ZCCHC7: variants seen among roughly 807,000 people sequenced by gnomAD.
The protein encoded by ZCCHC7 is zinc finger CCHC-type containing 7, also known as zinc finger CCHC domain-containing protein 7.
A neutral mutation model predicts 52.0 loss-of-function variants in ZCCHC7; 35 were observed. The ratio of observed to expected loss-of-function variants is 0.67; its 90% CI spans 0.51 to 0.89. The LOEUF (loss-of-function observed/expected upper bound fraction) is 0.89, where lower values mean the gene tolerates loss of function less well. Ranked by LOEUF, ZCCHC7 falls within the 40% of genes least tolerant of loss-of-function variation. ZCCHC7 has a pLI of 0.00. For synonymous variants in ZCCHC7, 217 were observed against 221.5 expected, an observed-to-expected ratio of 0.98 and a Z score of 0.18; for missense variants, 574 against 649.1, an observed-to-expected ratio of 0.88 and a Z score of 1.26.
chr9:37,294,523 G>GT (rs1828690378), intron 2 of ZCCHC7, among the ~76,000 whole-genome samples: 1 of 152,068 alleles, frequency 6.6e-6, no homozygotes, highest in African/African-American at 2.4e-5. Flanking sequence ...TGGCAGGGTT[G>GT]TTTTTTGAAG....
chr9:37,312,986 G>A (rs1298262469), intron 5 of ZCCHC7, among the ~76,000 whole-genome samples: 3 of 152,098 alleles, frequency 2.0e-5, no homozygotes, highest in African/African-American at 7.2e-5. Context: ...AAGGAATGAA[G>A]GGGAAAAGAA....
intron 5 of ZCCHC7, among the ~76,000 whole-genome samples, chr9:37,321,779 A>AAAAAT (rs774497568): frequency 4.2e-4 from 64 of 152,132 alleles, no homozygotes; most frequent in Non-Finnish European, 8.4e-4. Flanking sequence ...ATAAATAAAT[A>AAAAAT]AAAATAAAAT....
chr9:37,341,877 A>G (rs893783262), intron 6 of ZCCHC7, among the ~76,000 whole-genome samples: 6 of 152,184 alleles, frequency 3.9e-5, no homozygotes, highest in African/African-American at 1.4e-4. Flanking sequence ...AAAGGCCAGC[A>G]TGACAGGCTT....
intron 2 of ZCCHC7, among the ~76,000 whole-genome samples, chr9:37,294,701 G>A (rs931056151): frequency 2.6e-5 from 4 of 152,068 alleles, no homozygotes; most frequent in Non-Finnish European, 5.9e-5. Context: ...TTGTCCATAT[G>A]AATGTTTCCT....
intron 2 of ZCCHC7, among the ~76,000 whole-genome samples, chr9:37,233,879 A>G (rs1825519207): frequency 6.6e-6 from 1 of 152,158 alleles, no homozygotes; most frequent in Non-Finnish European, 1.5e-5. Context: ...TTTGAGACGG[A>G]GTCTTACTGT....
intron 2 of ZCCHC7, among the ~76,000 whole-genome samples, chr9:37,279,164 A>T (rs1977756): frequency 0.59 from 89,513 of 151,846 alleles, 26,808 homozygotes; most frequent in African/African-American, 0.71. Flanking sequence ...AACTTGTCTT[A>T]TTTTATCCTC....
chr9:37,354,955 G>A lies in ZCCHC7; in HGVS notation c.1198+131G>A. On this transcript the variant is annotated intron_variant, in intron 8 of 8. Coordinates refer to ENST00000336755, the MANE Select transcript of ZCCHC7 (RefSeq NM_032226.3). The surrounding 1 kb of genome is among the most constrained non-coding windows in gnomAD (Gnocchi z 4.0). ...ATTTTTAGTAATTACCAAAGAGACT[G>A]GAACTTTCTTGATCTCCAGAAACCA... 1.7e-6 allele frequency: 1 copy of A among 571,846 alleles called. No individual in the cohort carries two copies. Among genetic ancestry groups the A allele is most frequent in the Non-Finnish European group, 3.0e-6 (1 of 331,924 alleles). The allele number at this position is 571,846 out of a possible 1,614,324, so 35.4% of individuals were successfully genotyped here. A position where few individuals can be genotyped will look rare whatever the true frequency, so the allele number is the denominator to read the frequency against.
chr9:37,158,184 T>C (rs1820915271), intron 2 of ZCCHC7, among the ~76,000 whole-genome samples: 1 of 152,230 alleles, frequency 6.6e-6, no homozygotes, highest in Admixed American at 6.5e-5. Flanking sequence ...TAGAGATTTG[T>C]TAAGAGAGCA....
intron 5 of ZCCHC7, among the ~76,000 whole-genome samples, chr9:37,308,207 AT>A (rs1368257118): frequency 2.0e-5 from 3 of 152,152 alleles, no homozygotes; most frequent in African/African-American, 2.4e-5. Context: ...CTTTAGTCTT[AT>A]TTTTTAGTGT....
intron 6 of ZCCHC7, among the ~76,000 whole-genome samples, chr9:37,328,386 A>G (rs991472196): frequency 6.6e-6 from 1 of 151,980 alleles, no homozygotes; most frequent in Non-Finnish European, 1.5e-5. Context: ...GTTTCCTTTT[A>G]TTGTGATTTT....
intron 2 of ZCCHC7, among the ~76,000 whole-genome samples, chr9:37,157,915 T>C (rs1296549883): frequency 6.6e-6 from 1 of 152,222 alleles, no homozygotes; most frequent in African/African-American, 2.4e-5. Context: ...AGAACTACTG[T>C]CTGATCCAGC....
chr9:37,253,790 A>G (rs1826444580), intron 2 of ZCCHC7, among the ~76,000 whole-genome samples: 1 of 152,140 alleles, frequency 6.6e-6, no homozygotes, highest in African/African-American at 2.4e-5. Context: ...ACAAGTATAG[A>G]TATGAATGTT....
At chr9:37,198,691 T>C (rs527888125) in intron 2 of ZCCHC7, among the ~76,000 whole-genome samples, 1 of 152,352 alleles carries the variant, frequency 6.6e-6, no homozygotes, top group Non-Finnish European at 1.5e-5. Context: ...GTCCTAATGA[T>C]AGAGCTTGCT....
rs540138543 is a variant in ZCCHC7, at chr9:37,164,506, CA to C, written c.610+37566del. ...ATAGATAGATAGATAGATAGACAGACAAGATAGATAGACTCTGTCTCAGAAG... is the reference window on the plus strand; with the variant it reads ...ATAGATAGATAGATAGATAGACAGACAGATAGATAGACTCTGTCTCAGAAG... On this transcript the variant is annotated intron_variant, in intron 2 of 8. Coordinates refer to ENST00000336755, the MANE Select transcript of ZCCHC7 (RefSeq NM_032226.3). Among the ~76,000 whole-genome samples, 24 of 143,666 alleles carry C rather than the reference CA, an allele frequency of 1.7e-4. 1 individual carries two copies. The highest frequency in any genetic ancestry group is 6.0e-4 in the African/African-American group (23 of 38,084). 94.3% of individuals were successfully genotyped at this position (143,666 alleles called of 152,430 possible). A position where few individuals can be genotyped will look rare whatever the true frequency, so the allele number is the denominator to read the frequency against.
chr9:37,148,366 A>G lies in ZCCHC7; in HGVS notation c.610+21424A>G, dbSNP rs375409061. Reference sequence around the variant, plus strand: ...AGTCATGGGGTGCAGGAGAGGAAAGATACTGCTTTCATGAGGGGTAGAGGT... The same window carrying G: ...AGTCATGGGGTGCAGGAGAGGAAAGGTACTGCTTTCATGAGGGGTAGAGGT... On this transcript the variant is annotated intron_variant, in intron 2 of 8. Transcript: ENST00000336755. 2.0e-4 allele frequency among the ~76,000 whole-genome samples: 30 copies of G among 152,188 alleles called. No individual in the cohort carries two copies. In the East Asian group the frequency reaches 5.4e-3, roughly 27 times the overall value.
At chr9:37,351,241 G>A (rs149078939) in intron 7 of ZCCHC7, among the ~76,000 whole-genome samples, 156 of 152,262 alleles carry the variant, frequency 1.0e-3, no homozygotes, top group African/African-American at 3.6e-3. Flanking sequence ...ACCATGTGAT[G>A]TAAACAACCC....
intron 2 of ZCCHC7, among the ~76,000 whole-genome samples, chr9:37,222,125 T>G (rs1824845044): frequency 6.6e-6 from 1 of 151,976 alleles, no homozygotes; most frequent in Non-Finnish European, 1.5e-5. Flanking sequence ...TTCCACAAAA[T>G]AATCGATAAC....
At chr9:37,341,196 C>T (rs751045530) in intron 6 of ZCCHC7, among the ~76,000 whole-genome samples, 3 of 152,180 alleles carry the variant, frequency 2.0e-5, no homozygotes, top group Non-Finnish European at 2.9e-5. Context: ...GTATATACCA[C>T]ATTCTCAGTG....
chr9:37,322,793 G>A (rs1830104300), intron 5 of ZCCHC7, among the ~76,000 whole-genome samples: 2 of 151,704 alleles, frequency 1.3e-5, no homozygotes, highest in African/African-American at 4.8e-5. Context: ...TTTATCAACA[G>A]GTCACCTAAA....
Sources: allele counts gnomAD v4.1 joint callset (sites outside exome capture counted in the v4.1 genomes callset), GRCh38; gene constraint gnomAD v4.1.1; non-coding constraint Gnocchi (gnomAD v3.1); transcripts MANE v1.5; gene names NCBI Gene and HGNC (gene_info 2026-07-23, HGNC 2026-07-21).